Variants in ATXN2 observed in about 807,000 individuals in gnomAD.
ATXN2 encodes ataxin 2, also known as ataxin-2.
ATXN2 carries 37 observed loss-of-function variants against 138.6 expected under a neutral mutation model. The ratio of observed to expected loss-of-function variants is 0.27; its 90% CI spans 0.21 to 0.35. ATXN2 has a LOEUF of 0.35. ATXN2 is among the 10% of genes least tolerant of loss of function. The pLI, the probability that ATXN2 is intolerant of heterozygous loss-of-function variation, is 1.00. For missense variants in ATXN2, 1,216 were observed against 1,480.3 expected (o/e 0.82, Z 2.93); for synonymous variants, 549 against 543.7 (o/e 1.01, Z -0.13).
At chr12:111,518,672 C>T (rs1879988611) in intron 8 of ATXN2, among the ~76,000 whole-genome samples, 1 of 152,146 alleles carries the variant, frequency 6.6e-6, no homozygotes, top group African/African-American at 2.4e-5. Context: ...CATTCTCATC[C>T]CACTTGACCT....
At chr12:111,577,464 A>C (rs923932466) in intron 1 of ATXN2, among the ~76,000 whole-genome samples, 2 of 151,130 alleles carry the variant, frequency 1.3e-5, no homozygotes, top group Non-Finnish European at 2.9e-5. Context: ...ACGGGGTTTC[A>C]CCGTGTTAGC....
At chr12:111,455,613 C>T (rs1469023394) in intron 23 of ATXN2, 2 of 306,826 alleles carry the variant, frequency 6.5e-6, no homozygotes, top group Non-Finnish European at 1.3e-5. Flanking sequence ...TTGACAGGCC[C>T]CGGTAGTCAC....
intron 1 of ATXN2, among the ~76,000 whole-genome samples, chr12:111,557,972 A>T (rs1882477324): frequency 6.6e-6 from 1 of 152,178 alleles, no homozygotes; most frequent in Non-Finnish European, 1.5e-5. Context: ...TATATAAAAG[A>T]CTTAAAAACA....
chr12:111,460,121 G>A (rs1875456916), intron 21 of ATXN2, among the ~76,000 whole-genome samples: 1 of 152,152 alleles, frequency 6.6e-6, no homozygotes, highest in Non-Finnish European at 1.5e-5. Context: ...TCGCTCTGTT[G>A]CCCAGGGTGG....
intron 11 of ATXN2, chr12:111,511,348 G>GT (rs1205403779): frequency 6.6e-6 from 1 of 151,634 alleles, no homozygotes; most frequent in Non-Finnish European, 1.5e-5. Flanking sequence ...GCTATTCTGA[G>GT]TGTATCTCCA....
At chr12:111,585,915 T>C (rs1884302341) in intron 1 of ATXN2, among the ~76,000 whole-genome samples, 1 of 151,850 alleles carries the variant, frequency 6.6e-6, no homozygotes, top group Non-Finnish European at 1.5e-5. Flanking sequence ...CTTTGCTTTG[T>C]TTTTTTGAGA....
intron 1 of ATXN2, among the ~76,000 whole-genome samples, chr12:111,563,837 C>T (rs987844981): frequency 1.3e-5 from 2 of 152,112 alleles, no homozygotes; most frequent in African/African-American, 4.8e-5. Context: ...AACTCAAATG[C>T]CATCTTTTCA....
chr12:111,586,522 A>G (rs1474143064), intron 1 of ATXN2, among the ~76,000 whole-genome samples: 6 of 151,134 alleles, frequency 4.0e-5, no homozygotes, highest in African/African-American at 1.5e-4. Flanking sequence ...AGTAGCTGGG[A>G]CTACAGGCAC....
chr12:111,502,441 T>G (rs938929531), intron 14 of ATXN2, among the ~76,000 whole-genome samples: 1 of 152,196 alleles, frequency 6.6e-6, no homozygotes, highest in African/African-American at 2.4e-5. Context: ...TTTTTTCTTT[T>G]TTTTGGAGAC....
Position 111,488,697 on chromosome 12 carries a change from T to C in ATXN2, c.2019A>G (p.Lys673=). Residue 673 remains lysine (K), a synonymous_variant, in exon 15 of 25, where the codon AAA becomes AAG. Transcript: ENST00000673436. ...REGEKSRDLI[K]DKIEPSAKDS... The stretch of plus-strand genomic sequence containing the variant: ...CCTTAGCACTTGGTTCAATTTTGTC[T>C]TTGATCAAATCTCTTGATTTTTCTC... 1 of 1,612,654 alleles carries C rather than the reference T, an allele frequency of 6.2e-7. No individual in the cohort carries two copies. The highest frequency in any genetic ancestry group is 8.5e-7 in the Non-Finnish European group (1 of 1,179,064).
intron 5 of ATXN2, among the ~76,000 whole-genome samples, chr12:111,539,529 C>T (rs1338383392): frequency 1.3e-5 from 2 of 150,064 alleles, no homozygotes; most frequent in African/African-American, 4.8e-5. Flanking sequence ...GGATGGATCA[C>T]GAGGTCAGGA....
chr12:111,587,073 C>CAAAAAA (rs374631048), intron 1 of ATXN2, among the ~76,000 whole-genome samples: 2 of 112,882 alleles, frequency 1.8e-5, no homozygotes, highest in Non-Finnish European at 1.8e-5. Flanking sequence ...CCATTTCTAC[C>CAAAAAA]AAAAAAAAAA....
chr12:111,582,682 T>C (rs1263970290), intron 1 of ATXN2, among the ~76,000 whole-genome samples: 3 of 152,334 alleles, frequency 2.0e-5, no homozygotes, highest in South Asian at 2.1e-4. Flanking sequence ...GTTTGTTTGT[T>C]TGAGACGGAG....
intron 5 of ATXN2, among the ~76,000 whole-genome samples, chr12:111,543,333 A>C (rs547363341): frequency 2.0e-5 from 3 of 152,376 alleles, no homozygotes. Context: ...AGAACACAAC[A>C]GCACACCAGA....
At chr12:111,561,556 G>A (rs910721449) in intron 1 of ATXN2, among the ~76,000 whole-genome samples, 7 of 151,712 alleles carry the variant, frequency 4.6e-5, no homozygotes, top group African/African-American at 1.7e-4. Flanking sequence ...TCACTTGGCT[G>A]GGCACAGTGG....
intron 5 of ATXN2, among the ~76,000 whole-genome samples, chr12:111,537,806 A>T (rs928339317): frequency 6.6e-6 from 1 of 151,964 alleles, no homozygotes; most frequent in African/African-American, 2.4e-5. Context: ...AATATATTTT[A>T]AAAAATGGGC....
chr12:111,470,061 TAAG>T (rs1198164317), intron 20 of ATXN2, 44 bp downstream of exon 20: 2 of 1,550,942 alleles, frequency 1.3e-6, no homozygotes, highest in Admixed American at 1.8e-5. Context: ...AAACTTAAAT[TAAG>T]AAGAGTCACA....
intron 14 of ATXN2, among the ~76,000 whole-genome samples, chr12:111,506,896 C>A (rs1879158244): frequency 6.6e-6 from 1 of 152,158 alleles, no homozygotes; most frequent in African/African-American, 2.4e-5. Flanking sequence ...CAGCTCCTAA[C>A]CGCGAGTGAT....
chr12:111,472,610 C>G (rs1043293128), intron 18 of ATXN2, among the ~76,000 whole-genome samples: 4 of 152,112 alleles, frequency 2.6e-5, no homozygotes, highest in African/African-American at 9.7e-5. Flanking sequence ...GCTCGGTTGC[C>G]CAAGCTGGAG....
Sources: allele counts gnomAD v4.1 joint callset (sites outside exome capture counted in the v4.1 genomes callset), GRCh38; gene constraint gnomAD v4.1.1; transcripts MANE v1.5; gene names NCBI Gene and HGNC (gene_info 2026-07-23, HGNC 2026-07-21).